FSIP1: variants seen among roughly 807,000 people sequenced by gnomAD.
FSIP1 encodes fibrous sheath-interacting protein 1.
Under a neutral mutation model 60.9 loss-of-function variants are expected in FSIP1, and 65 were observed. The observed-to-expected ratio is 1.07, with a 90% CI of 0.87 to 1.31. The LOEUF is 1.31. FSIP1 is among the 40% of genes most tolerant of loss of function. The probability of loss-of-function intolerance (pLI) is 0.00; values close to 1 mark genes in which losing one functional copy is unlikely to be tolerated. For synonymous variants in FSIP1, 209 were observed against 221.2 expected (o/e 0.94, Z 0.49); for missense variants, 675 against 665.5 (o/e 1.01, Z -0.16).
At chr15:39,727,741 A>T (rs919085110) in intron 8 of FSIP1, among the ~76,000 whole-genome samples, 3 of 152,034 alleles carry the variant, frequency 2.0e-5, no homozygotes, top group African/African-American at 7.2e-5. Context: ...AAGGATGCCC[A>T]CTCTCACCAC....
chr15:39,698,695 C>A (rs1020360637), intron 10 of FSIP1, among the ~76,000 whole-genome samples: 1 of 152,162 alleles, frequency 6.6e-6, no homozygotes, highest in Non-Finnish European at 1.5e-5. Flanking sequence ...TGGTGGATGG[C>A]GTAACTTTCA....
At position 39,737,730 on chromosome 15, in the gene FSIP1, T is replaced by C. The variant is rs1209746009; in HGVS notation, c.891+361A>G. On this transcript the variant is annotated intron_variant, in intron 8 of 11. Coordinates refer to ENST00000350221, the MANE Select transcript of FSIP1 (RefSeq NM_152597.5). ...GTGCAGGTTTGTTATACAGGTAAAT[T>C]TGTGTCATGGGGCTTTGTTGTACAG... Among the ~76,000 whole-genome samples the C allele has an allele frequency of 2.0e-5, 3 of 152,126 alleles. No homozygotes were observed. In the East Asian group the frequency reaches 5.8e-4, roughly 29 times the overall value.
In FSIP1 at chr15:39,765,694, C is replaced by T; in HGVS notation, c.363G>A (p.Lys121=). Residue 121 remains lysine, a synonymous_variant, in exon 4 of 12, where the codon AAG becomes AAA. Transcript: ENST00000350221. ...CCAATATTTTATCAAGTTTTTTCAT[C>T]TTCTGAATAGCATCTTGAAGTTGAG... ...LDSQLQDAIQ[K]MKKLDKILAK... is the part of the protein sequence containing the mutation. 1 of 1,576,522 alleles carries T rather than the reference C, an allele frequency of 6.3e-7. No individual in the cohort carries two copies.
chr15:39,764,359 G>A (rs377706416), intron 4 of FSIP1, among the ~76,000 whole-genome samples: 2 of 152,090 alleles, frequency 1.3e-5, no homozygotes, highest in Non-Finnish European at 2.9e-5. Flanking sequence ...TTCCAGAAAC[G>A]ATTTCTCCAG....
intron 10 of FSIP1, among the ~76,000 whole-genome samples, chr15:39,686,932 T>C (rs956558740): frequency 2.6e-5 from 4 of 152,112 alleles, no homozygotes; most frequent in Admixed American, 2.6e-4. Context: ...CTGTATCTAT[T>C]TGCAAAATAT....
intron 11 of FSIP1, among the ~76,000 whole-genome samples, chr15:39,605,514 A>G (rs1566848003): frequency 6.6e-6 from 1 of 152,224 alleles, no homozygotes; most frequent in Admixed American, 6.5e-5. Flanking sequence ...ATCTCTAACA[A>G]GCTCCCAGTG....
intron 8 of FSIP1, among the ~76,000 whole-genome samples, chr15:39,732,337 C>T (rs1050015281): frequency 6.6e-6 from 1 of 152,040 alleles, no homozygotes; most frequent in African/African-American, 2.4e-5. Flanking sequence ...TTATGCATGA[C>T]GGTTGGGCAT....
intron 10 of FSIP1, among the ~76,000 whole-genome samples, chr15:39,634,660 A>G (rs1892053121): frequency 6.6e-6 from 1 of 152,214 alleles, no homozygotes; most frequent in Admixed American, 6.5e-5. Context: ...TGTCTTCACC[A>G]CACTAGCATG....
intron 5 of FSIP1, among the ~76,000 whole-genome samples, chr15:39,744,839 T>C (rs1896940398): frequency 6.9e-6 from 1 of 145,708 alleles, no homozygotes; most frequent in Non-Finnish European, 1.5e-5. Flanking sequence ...AGCCTGTGGC[T>C]TGAAGGAGAA....
chr15:39,647,436 G>A (rs772537329), intron 10 of FSIP1, among the ~76,000 whole-genome samples: 8 of 152,106 alleles, frequency 5.3e-5, no homozygotes, highest in Non-Finnish European at 1.2e-4. Flanking sequence ...CAAAAGCCCT[G>A]TGGATGCATC....
chr15:39,605,143 CT>C (rs890222440), intron 11 of FSIP1, among the ~76,000 whole-genome samples: 5 of 151,592 alleles, frequency 3.3e-5, no homozygotes, highest in Non-Finnish European at 4.4e-5. Context: ...ATTAGTAGAA[CT>C]TTTTTTTTAT....
intron 11 of FSIP1, among the ~76,000 whole-genome samples, chr15:39,603,260 G>A (rs1890705568): frequency 6.6e-6 from 1 of 152,168 alleles, no homozygotes; most frequent in African/African-American, 2.4e-5. Flanking sequence ...ATGGAGCCTT[G>A]GGGTTTTAAA....
chr15:39,615,543 T>C (rs1014916770), intron 11 of FSIP1, among the ~76,000 whole-genome samples: 3 of 151,404 alleles, frequency 2.0e-5, no homozygotes, highest in African/African-American at 7.3e-5. Flanking sequence ...AAAATGTAAA[T>C]TAAAATCAAA....
chr15:39,626,417 AAAG>A (rs1891641564), intron 10 of FSIP1, among the ~76,000 whole-genome samples: 1 of 152,132 alleles, frequency 6.6e-6, no homozygotes, highest in African/African-American at 2.4e-5. Context: ...ACTGGTGCTG[AAAG>A]AAGGTGGAGA....
At chr15:39,754,410 A>C (rs566087024) in intron 5 of FSIP1, among the ~76,000 whole-genome samples, 1 of 152,214 alleles carries the variant, frequency 6.6e-6, no homozygotes, top group South Asian at 2.1e-4. Context: ...TTTTAGGGGT[A>C]ATTTGTTACA....
chr15:39,642,596 C>A (rs762126533), intron 10 of FSIP1, among the ~76,000 whole-genome samples: 13 of 152,212 alleles, frequency 8.5e-5, no homozygotes, highest in Non-Finnish European at 1.5e-4. Context: ...TGTGACTCAG[C>A]TTACAAGATC....
rs201872981 is a variant in FSIP1, at chr15:39,618,278, G to A, written c.1189-33C>T. ...AACAAACCAAAAGATTACATAGTCA[G>A]TTGACTGAGTAAACACATTTATTTT... On this transcript the variant is annotated intron_variant, in intron 10 of 11. Transcript: ENST00000350221. 3.2e-6 allele frequency: 5 copies of A among 1,542,088 alleles called. No individual in the cohort carries two copies. In the South Asian group the frequency reaches 3.7e-5, roughly 11 times the overall value.
At chr15:39,615,967 A>G (rs1168816926) in intron 11 of FSIP1, among the ~76,000 whole-genome samples, 2 of 143,752 alleles carry the variant, frequency 1.4e-5, no homozygotes, top group Non-Finnish European at 3.0e-5. Flanking sequence ...TACCACAAAA[A>G]AATGGTAAGT....
chr15:39,769,932 A>T (rs1038415057), intron 3 of FSIP1, among the ~76,000 whole-genome samples: 1 of 152,186 alleles, frequency 6.6e-6, no homozygotes, highest in African/African-American at 2.4e-5. Context: ...AGCCCCTGCA[A>T]GGGTCTCAGG....
Sources: allele counts gnomAD v4.1 joint callset (sites outside exome capture counted in the v4.1 genomes callset), GRCh38; gene constraint gnomAD v4.1.1; transcripts MANE v1.5; gene names NCBI Gene and HGNC (gene_info 2026-07-23, HGNC 2026-07-21).